SUMF1: variants seen among roughly 807,000 people sequenced by gnomAD.
SUMF1 encodes formylglycine-generating enzyme.
SUMF1 carries 48 observed loss-of-function variants against 47.6 expected under a neutral mutation model. The observed-to-expected ratio is 1.01, with a 90% CI of 0.80 to 1.28. The LOEUF (loss-of-function observed/expected upper bound fraction) is 1.28, where lower values mean the gene tolerates loss of function less well. Among genes scored for constraint, SUMF1 ranks in the 50% most tolerant of loss-of-function variants. SUMF1 has a pLI of 0.00. For missense variants in SUMF1, 571 were observed against 485.4 expected (o/e 1.18, Z -1.66); for synonymous variants, 230 against 192.1 (o/e 1.20, Z -1.63).
chr3:4,250,075 T>G (rs1399871009), intron 8 of SUMF1, among the ~76,000 whole-genome samples: 1 of 151,708 alleles, frequency 6.6e-6, no homozygotes, highest in Admixed American at 6.6e-5. Context: ...TCCCAACTAC[T>G]CAGGACATGA....
intron 8 of SUMF1, among the ~76,000 whole-genome samples, chr3:4,282,570 C>T (rs2125047157): frequency 6.6e-6 from 1 of 152,210 alleles, no homozygotes; most frequent in South Asian, 2.1e-4. Context: ...GCTCTTAGAC[C>T]ACAGTTATTA....
At chr3:4,393,243 C>T (rs1422923038) in intron 7 of SUMF1, among the ~76,000 whole-genome samples, 1 of 152,154 alleles carries the variant, frequency 6.6e-6, no homozygotes, top group Non-Finnish European at 1.5e-5. Context: ...AAGCCACAGG[C>T]TTTCAGTGCC....
At position 4,039,070 on chromosome 3, in the gene SUMF1, C is replaced by T. The variant is rs554115118; in HGVS notation, c.1191+29499G>A. Among the ~76,000 whole-genome samples the T allele has an allele frequency of 5.9e-5, 9 of 151,984 alleles. No homozygotes were observed. The South Asian group carries it at 1.9e-3, about 32-fold the overall frequency. On this transcript the variant is annotated intron_variant and NMD_transcript_variant, in intron 9 of 12. Coordinates refer to the SUMF1 transcript ENST00000448413. Reference sequence around the variant, plus strand: ...GCAATGGCAAACATTAAAGCACTCCCCCCTTAATTTTTTATAGTTCAAGTA... The same window carrying T: ...GCAATGGCAAACATTAAAGCACTCCTCCCTTAATTTTTTATAGTTCAAGTA...
At position 4,129,029 on chromosome 3, in the gene SUMF1, G is replaced by A. The variant is rs564047239; in HGVS notation, c.1015-60284C>T. On this transcript the variant is annotated intron_variant and NMD_transcript_variant, in intron 8 of 12. Transcript: ENST00000448413. ...AAAGGCTTAGGCAGATTGGGATGGTGGAGTGGATTAGTCACTTTAGACCTA... is the reference window on the plus strand; with the variant it reads ...AAAGGCTTAGGCAGATTGGGATGGTAGAGTGGATTAGTCACTTTAGACCTA... Among the ~76,000 whole-genome samples the A allele has an allele frequency of 1.4e-4, 22 of 152,142 alleles. 1 individual carries two copies. Among genetic ancestry groups the A allele is most frequent in the Non-Finnish European group, 3.2e-4 (22 of 68,026 alleles).
At chr3:4,436,380 T>A (rs553508275) in intron 3 of SUMF1, among the ~76,000 whole-genome samples, 1 of 152,180 alleles carries the variant, frequency 6.6e-6, no homozygotes, top group Admixed American at 6.5e-5. Context: ...ACTAAAGATA[T>A]AGCCAAATAG....
At chr3:4,147,954 G>T (rs1403657123) in intron 8 of SUMF1, among the ~76,000 whole-genome samples, 1 of 152,128 alleles carries the variant, frequency 6.6e-6, no homozygotes, top group African/African-American at 2.4e-5. Context: ...AAGCAGCTCC[G>T]CACTATGCTA....
rs150009403 is a variant in SUMF1, at chr3:4,206,627, G to C, written c.1015-137882C>G. 2.6e-4 allele frequency among the ~76,000 whole-genome samples: 39 copies of C among 152,218 alleles called. No individual in the cohort carries two copies. The East Asian group carries it at 6.4e-3, about 25-fold the overall frequency. The stretch of plus-strand genomic sequence containing the variant: ...CAAAACTGTATTTCCTACCTCTTCA[G>C]TGCCTCCTTCCTCGAAATGATTTTA... On this transcript the variant is annotated intron_variant and NMD_transcript_variant, in intron 8 of 12. Coordinates refer to the SUMF1 transcript ENST00000448413.
intron 8 of SUMF1, among the ~76,000 whole-genome samples, chr3:4,144,331 T>A (rs59473612): frequency 0.011 from 1,620 of 152,108 alleles, 31 homozygotes; most frequent in African/African-American, 0.037. Context: ...ATGTGGCAGA[T>A]GAGAAAAGAG....
intron 8 of SUMF1, among the ~76,000 whole-genome samples, chr3:4,236,456 T>TA (rs1354715593): frequency 6.6e-6 from 1 of 151,982 alleles, no homozygotes; most frequent in Non-Finnish European, 1.5e-5. Context: ...AATACATTTT[T>TA]AAAAAAATAG....
intron 7 of SUMF1, among the ~76,000 whole-genome samples, chr3:4,397,109 A>G (rs1446762803): frequency 6.6e-6 from 1 of 152,240 alleles, no homozygotes; most frequent in East Asian, 1.9e-4. Flanking sequence ...TTAACTTCAG[A>G]AAGTGTAACA....
intron 8 of SUMF1, among the ~76,000 whole-genome samples, chr3:4,117,313 C>T (rs1005443267): frequency 3.3e-5 from 5 of 151,922 alleles, no homozygotes; most frequent in African/African-American, 1.2e-4. Flanking sequence ...CCCTTTCCAT[C>T]TTTCAAATGA....
chr3:4,312,172 T>C (rs59135879), intron 8 of SUMF1, among the ~76,000 whole-genome samples: 5,973 of 152,286 alleles, frequency 0.039, 373 homozygotes, highest in African/African-American at 0.13. Flanking sequence ...CTGTGTGCAA[T>C]TGACTTGTCA....
At chr3:4,314,798 A>G (rs1387735268) in intron 8 of SUMF1, among the ~76,000 whole-genome samples, 2 of 152,236 alleles carry the variant, frequency 1.3e-5, no homozygotes, top group Non-Finnish European at 2.9e-5. Context: ...GAGGTTTATC[A>G]GACATTTTGA....
chr3:4,081,995 A>T (rs1377879571), intron 8 of SUMF1, among the ~76,000 whole-genome samples: 1 of 152,138 alleles, frequency 6.6e-6, no homozygotes, highest in Non-Finnish European at 1.5e-5. Context: ...CTTTGCCTAC[A>T]GTTCTCCAGA....
In SUMF1 at chr3:4,329,917, A is replaced by G. The variant is rs144991028; in HGVS notation, c.1014+46413T>C. ...ACAATACCCAAGTCACCTCTTGAACACTTTGTATTTCTTAGAAATTACTTC... is the reference window on the plus strand; with the variant it reads ...ACAATACCCAAGTCACCTCTTGAACGCTTTGTATTTCTTAGAAATTACTTC... On this transcript the variant is annotated intron_variant and NMD_transcript_variant, in intron 8 of 12. Transcript: ENST00000448413. Among the ~76,000 whole-genome samples, 489 of 152,300 alleles carry G rather than the reference A, an allele frequency of 3.2e-3. 1 individual carries two copies. The highest frequency in any genetic ancestry group is 5.7e-3 in the Non-Finnish European group (391 of 68,028).
intron 8 of SUMF1, among the ~76,000 whole-genome samples, chr3:4,128,814 G>A (rs1334475653): frequency 6.6e-6 from 1 of 152,128 alleles, no homozygotes; most frequent in East Asian, 1.9e-4. Flanking sequence ...CATAGAGTTG[G>A]ATCAGGCTGA....
Position 4,392,908 on chromosome 3 carries a change from T to C in SUMF1, c.955-16519A>G, listed in dbSNP as rs185324946. The stretch of plus-strand genomic sequence containing the variant: ...GCTGACCAATAATTTAGACAGAGGC[T>C]ATCTCAGATACTTTGAACCCACTGG... On this transcript the variant is annotated intron_variant, in intron 7 of 8. Coordinates refer to ENST00000272902, the MANE Select transcript of SUMF1 (RefSeq NM_182760.4). Among the ~76,000 whole-genome samples, 12 of 152,174 alleles carry C rather than the reference T, an allele frequency of 7.9e-5. No individual in the cohort carries two copies. The East Asian group carries it at 1.7e-3, about 22-fold the overall frequency.
intron 8 of SUMF1, among the ~76,000 whole-genome samples, chr3:4,289,305 T>G (rs1020691462): frequency 1.3e-5 from 2 of 152,178 alleles, no homozygotes; most frequent in Admixed American, 6.5e-5. Context: ...GACTCCAAAA[T>G]AAATCCTGTA....
chr3:4,249,239 G>A (rs1357197670), intron 8 of SUMF1, among the ~76,000 whole-genome samples: 1 of 152,154 alleles, frequency 6.6e-6, no homozygotes, highest in African/African-American at 2.4e-5. Context: ...GCATTCTACT[G>A]AGTGCCAAAA....
Sources: gnomAD v4.1 joint callset for allele counts (sites outside exome capture counted in the v4.1 genomes callset) on GRCh38, gnomAD v4.1.1 for gene constraint, MANE v1.5 for transcripts, NCBI Gene and HGNC (gene_info 2026-07-23, HGNC 2026-07-21) for gene names.